The following CTNNA2 variants were observed in gnomAD, a reference collection of about 807,000 sequenced individuals.
CTNNA2 encodes the protein catenin alpha-2.
Under a neutral mutation model 101.0 loss-of-function variants are expected in CTNNA2, and 42 were observed. The ratio of observed to expected loss-of-function variants is 0.42; its 90% CI spans 0.32 to 0.54. CTNNA2 has a LOEUF of 0.54. Ranked by LOEUF, CTNNA2 falls within the 20% of genes least tolerant of loss-of-function variation. CTNNA2 has a pLI of 0.14. For synonymous variants in CTNNA2, 450 were observed against 456.4 expected, an observed-to-expected ratio of 0.99 and a Z score of 0.18; for missense variants, 871 against 1,223.1, an observed-to-expected ratio of 0.71 and a Z score of 4.29.
chr2:79,913,963 C>A (rs1050896155), intron 7 of CTNNA2, among the ~76,000 whole-genome samples: 2 of 151,748 alleles, frequency 1.3e-5, no homozygotes, highest in Admixed American at 6.6e-5. Flanking sequence ...GTCAGGAGAT[C>A]GAGACCATCC....
At chr2:80,355,563 C>T (rs965386840) in intron 7 of CTNNA2, among the ~76,000 whole-genome samples, 1 of 152,140 alleles carries the variant, frequency 6.6e-6, no homozygotes, top group Non-Finnish European at 1.5e-5. Flanking sequence ...ACTTATTAAG[C>T]CGCTCTTTAT....
intron 7 of CTNNA2, among the ~76,000 whole-genome samples, chr2:79,997,133 C>A (rs1359806786): frequency 6.6e-6 from 1 of 152,096 alleles, no homozygotes; most frequent in African/African-American, 2.4e-5. Flanking sequence ...GCACCAAAAC[C>A]CCCTTTTGGG....
chr2:80,484,885 A>G (rs1383421430), intron 9 of CTNNA2, among the ~76,000 whole-genome samples: 3 of 152,110 alleles, frequency 2.0e-5, no homozygotes, highest in East Asian at 3.9e-4. Flanking sequence ...GGGCACCTGT[A>G]GTCCCAGCTA....
At chr2:79,630,896 T>C (rs982188618) in intron 1 of CTNNA2, among the ~76,000 whole-genome samples, 1 of 150,148 alleles carries the variant, frequency 6.7e-6, no homozygotes, top group African/African-American at 2.5e-5. Flanking sequence ...ATAATGTACA[T>C]TTTATTGTAT....
chr2:79,982,222 A>ATATATATG (rs1691348208), intron 7 of CTNNA2, among the ~76,000 whole-genome samples: 1 of 89,994 alleles, frequency 1.1e-5, no homozygotes, highest in Non-Finnish European at 2.1e-5. Context: ...ATATATATAT[A>ATATATATG]TATATATATA....
chr2:79,281,730 A>C (rs1358082057), intron 2 of CTNNA2, among the ~76,000 whole-genome samples: 1 of 152,214 alleles, frequency 6.6e-6, no homozygotes, highest in Non-Finnish European at 1.5e-5. Flanking sequence ...ACACTTCATC[A>C]GCATTTTTGT....
intron 12 of CTNNA2, among the ~76,000 whole-genome samples, chr2:80,560,637 A>G (rs2149672772): frequency 6.6e-6 from 1 of 152,212 alleles, no homozygotes; most frequent in East Asian, 1.9e-4. Flanking sequence ...AAACATATCC[A>G]TGCTGCTCCC....
chr2:80,483,859 C>T (rs940449545), intron 9 of CTNNA2, among the ~76,000 whole-genome samples: 1 of 152,078 alleles, frequency 6.6e-6, no homozygotes, highest in African/African-American at 2.4e-5. Context: ...TTTTAAAGAC[C>T]TGTGCAGGGC....
chr2:80,426,317 C>T (rs1680989764), intron 9 of CTNNA2, among the ~76,000 whole-genome samples: 1 of 152,136 alleles, frequency 6.6e-6, no homozygotes, highest in African/African-American at 2.4e-5. Context: ...TATGCATCGC[C>T]ACAATGAAAA....
chr2:80,526,286 G>A (rs1453332325), intron 9 of CTNNA2, among the ~76,000 whole-genome samples: 9 of 152,148 alleles, frequency 5.9e-5, no homozygotes, highest in Non-Finnish European at 8.8e-5. Flanking sequence ...TGAAACCTCC[G>A]CCTCCCGGGT....
chr2:79,744,363 TAC>T (rs1671494886), intron 2 of CTNNA2, 22 bp from the exon 3 acceptor site: 1 of 1,571,960 alleles, frequency 6.4e-7, no homozygotes, highest in Non-Finnish European at 8.6e-7. Flanking sequence ...AAAGAAGTTT[TAC>T]AGTTTCTCTT....
intron 6 of CTNNA2, among the ~76,000 whole-genome samples, chr2:79,901,384 G>T (rs572276681): frequency 1.3e-5 from 2 of 152,074 alleles, no homozygotes; most frequent in South Asian, 4.2e-4. Context: ...CTTACTTGTT[G>T]CCTTGAACTA....
At chr2:79,622,128 G>A (rs374801073) in intron 1 of CTNNA2, among the ~76,000 whole-genome samples, 1 of 152,090 alleles carries the variant, frequency 6.6e-6, no homozygotes, top group South Asian at 2.1e-4. Flanking sequence ...AAACAAAAAT[G>A]GCTCCTTAAG....
chr2:79,827,406 A>T (rs188725022), intron 3 of CTNNA2, among the ~76,000 whole-genome samples: 1 of 152,298 alleles, frequency 6.6e-6, no homozygotes, highest in East Asian at 1.9e-4. Context: ...TTGAGCAAAA[A>T]GTAGTTGGCT....
At chr2:79,436,964 T>C (rs1678723435) in intron 4 of CTNNA2, among the ~76,000 whole-genome samples, 1 of 150,808 alleles carries the variant, frequency 6.6e-6, no homozygotes, top group Non-Finnish European at 1.5e-5. Context: ...CTGGGTGCAA[T>C]GGCTCACACC....
intron 9 of CTNNA2, among the ~76,000 whole-genome samples, chr2:80,471,429 G>A (rs138008106): frequency 9.9e-5 from 15 of 152,240 alleles, no homozygotes; most frequent in Middle Eastern, 3.4e-3. Flanking sequence ...TAAGCATGGC[G>A]TATGTTTTTA....
At chr2:80,507,685 A>G (rs1175499233) in intron 9 of CTNNA2, among the ~76,000 whole-genome samples, 1 of 152,170 alleles carries the variant, frequency 6.6e-6, no homozygotes, top group African/African-American at 2.4e-5. Flanking sequence ...GGAACTAAGG[A>G]ATAAGACTCG....
intron 1 of CTNNA2, among the ~76,000 whole-genome samples, chr2:79,596,255 T>G (rs1677180989): frequency 6.6e-6 from 1 of 152,022 alleles, no homozygotes; most frequent in African/African-American, 2.4e-5. Context: ...TGAATGAAAT[T>G]TGAACTAAGT....
At chr2:79,896,391 T>G (rs1385658103) in intron 6 of CTNNA2, among the ~76,000 whole-genome samples, 1 of 152,206 alleles carries the variant, frequency 6.6e-6, no homozygotes, top group African/African-American at 2.4e-5. Context: ...ATTGCTACTG[T>G]AGACCTAAAT....
Sources: allele counts gnomAD v4.1 joint callset (sites outside exome capture counted in the v4.1 genomes callset), GRCh38; gene constraint gnomAD v4.1.1; transcripts MANE v1.5; gene names NCBI Gene and HGNC (gene_info 2026-07-23, HGNC 2026-07-21).